Variants in KLHL26 observed in about 807,000 individuals in gnomAD.
The protein encoded by KLHL26 is kelch like family member 26.
A neutral mutation model predicts 7.1 loss-of-function variants in KLHL26; 4 were observed. The ratio of observed to expected loss-of-function variants is 0.56; its 90% CI spans 0.28 to 1.28. KLHL26 has a LOEUF of 1.28. Ranked by LOEUF, KLHL26 falls within the 50% of genes most tolerant of loss-of-function variation. The pLI is 0.11. For synonymous variants in KLHL26, 465 were observed against 414.1 expected (o/e 1.12, Z -1.49); for missense variants, 896 against 924.6 (o/e 0.97, Z 0.40).
At position 18,649,764 on chromosome 19, in the gene KLHL26, A is replaced by C. The variant is rs917154641; in HGVS notation, c.83+12627A>C. On this transcript the variant is annotated intron_variant, in intron 1 of 2. Transcript: ENST00000300976. This position sits in a 1 kb window ranked among gnomAD's most constrained non-coding sequence, Gnocchi z 4.0. ...AGCCTCCAGTCCCTTCCTGCCCCCC[A>C]CCCCGCCCCTTCCACATGTCTCTCC... Among the ~76,000 whole-genome samples, 3 of 146,762 alleles carry C rather than the reference A, an allele frequency of 2.0e-5. No individual in the cohort carries two copies. Among genetic ancestry groups the C allele is most frequent in the East Asian group, 2.0e-4 (1 of 4,970 alleles).
chr19:18,654,318 C>T (rs981759401), intron 1 of KLHL26, among the ~76,000 whole-genome samples: 6 of 149,176 alleles, frequency 4.0e-5, no homozygotes, highest in Non-Finnish European at 6.0e-5. Context: ...CATCTACCAA[C>T]CCACCCACCC....
rs148606549 is a variant in KLHL26, at chr19:18,652,102, G to A, written c.84-12159G>A. On this transcript the variant is annotated intron_variant, in intron 1 of 2. Transcript: ENST00000300976. ...AAATGCTGGTGGGCTCAGGAGTGTG[G>A]TGGAGGGAGAAGGGTCTGAGGGCAA... Among the ~76,000 whole-genome samples the A allele has an allele frequency of 1.1e-3, 170 of 152,316 alleles. 1 individual carries two copies. Among genetic ancestry groups the A allele is most frequent in the Middle Eastern group, 6.8e-3 (2 of 294 alleles).
At chr19:18,637,933 A>T (rs1356857458) in intron 1 of KLHL26, among the ~76,000 whole-genome samples, 1 of 152,168 alleles carries the variant, frequency 6.6e-6, no homozygotes, top group Non-Finnish European at 1.5e-5. Flanking sequence ...CAGTCCTGAC[A>T]TGGATTGCTT....
At chr19:18,637,899 G>A (rs1191416464) in intron 1 of KLHL26, among the ~76,000 whole-genome samples, 1 of 152,196 alleles carries the variant, frequency 6.6e-6, no homozygotes, top group Non-Finnish European at 1.5e-5. Context: ...TTTGGTCAGA[G>A]GGAGGCCCCC....
At chr19:18,655,978 G>A (rs1300375271) in intron 1 of KLHL26, among the ~76,000 whole-genome samples, 1 of 152,164 alleles carries the variant, frequency 6.6e-6, no homozygotes, top group Non-Finnish European at 1.5e-5. Context: ...CCCCTGAGGA[G>A]CAGGTGAGGG....
At position 18,668,044 on chromosome 19, in the gene KLHL26, A is replaced by G. The variant is rs1400382479; in HGVS notation, c.647A>G (p.Asn216Ser). Residue 216 changes from asparagine (N) to serine (S), a missense_variant, in exon 3 of 3, where the codon AAC (asparagine) becomes AGC (serine). Transcript: ENST00000300976. ...CGCCTGGTCTTCTTCCTGCAGAGCA[A>G]CCGGCTGCAGAGCTGTGCCGAGATC... is the stretch of plus-strand genomic sequence containing the variant. ...LERLVFFLQS[N>S]RLQSCAEIDL... 13 of 1,607,712 alleles carry G rather than the reference A, an allele frequency of 8.1e-6. No homozygotes were observed. Among genetic ancestry groups the G allele is most frequent in the South Asian group, 2.2e-5 (2 of 91,058 alleles).
intron 2 of KLHL26, 21 bp from the exon 3 acceptor site, chr19:18,667,643 C>G (rs950164359): frequency 1.9e-6 from 3 of 1,596,574 alleles, no homozygotes; most frequent in Non-Finnish European, 2.6e-6. Context: ...GCCAGCCACA[C>G]GTTGTGTTTC....
chr19:18,658,723 C>T (rs1490969963), intron 1 of KLHL26, among the ~76,000 whole-genome samples: 1 of 151,414 alleles, frequency 6.6e-6, no homozygotes, highest in African/African-American at 2.4e-5. Flanking sequence ...GGATCTTTCT[C>T]TCCATCTCCC....
intron 1 of KLHL26, among the ~76,000 whole-genome samples, chr19:18,643,356 A>G (rs1292469878): frequency 1.3e-5 from 2 of 150,424 alleles, no homozygotes; most frequent in African/African-American, 4.9e-5. Flanking sequence ...GAGGCAAGAG[A>G]ATCACTTGAA....
rs768289460 is a variant in KLHL26, at chr19:18,668,332, T to C, written c.935T>C (p.Val312Ala). Residue 312 changes from valine (V) to alanine (A), a missense_variant, in exon 3 of 3, where the codon GTC becomes GCC. Coordinates refer to ENST00000300976, the MANE Select transcript of KLHL26 (RefSeq NM_018316.3). ...GTGCGCTCGGATGTGCCCTCGCTCG[T>C]CACCTTCGGCGGCACGCCCTACACC... ...TAVRSDVPSL[V>A]TFGGTPYTDS... The C allele has an allele frequency of 6.2e-7, 1 of 1,609,526 alleles. No homozygotes were observed. Among genetic ancestry groups the C allele is most frequent in the Non-Finnish European group, 8.5e-7 (1 of 1,179,340 alleles).
At chr19:18,661,862 G>C (rs1291157781) in intron 1 of KLHL26, among the ~76,000 whole-genome samples, 1 of 151,716 alleles carries the variant, frequency 6.6e-6, no homozygotes, top group East Asian at 1.9e-4. Flanking sequence ...AGCTCTGCTT[G>C]CTTTCCTGGG....
intron 1 of KLHL26, among the ~76,000 whole-genome samples, chr19:18,637,858 T>G (rs1380157173): frequency 6.6e-6 from 1 of 152,170 alleles, no homozygotes; most frequent in Non-Finnish European, 1.5e-5. Flanking sequence ...AGAAAGGTCT[T>G]GCCCTCAGAC....
intron 1 of KLHL26, among the ~76,000 whole-genome samples, chr19:18,639,767 T>A (rs980060309): frequency 1.3e-5 from 2 of 152,034 alleles, no homozygotes; most frequent in African/African-American, 4.8e-5. Flanking sequence ...ACAATCCAGT[T>A]TTTTGGAATG....
intron 1 of KLHL26, among the ~76,000 whole-genome samples, chr19:18,661,005 C>T (rs1471022706): frequency 4.6e-5 from 7 of 152,192 alleles, no homozygotes; most frequent in Middle Eastern, 3.2e-3. Flanking sequence ...ATGGGAGCAT[C>T]CAGATTCTCC....
Position 18,669,688 on chromosome 19 carries a change from C to T in KLHL26, c.*443C>T, listed in dbSNP as rs1181254612. On this transcript the variant is annotated 3_prime_UTR_variant, in exon 3 of 3. Transcript: ENST00000300976. Reference sequence around the variant, plus strand: ...TATATGACTCACCCTCCTTCCAAGTCTCCTGCGCGCGTGTTTTTAAAATAA... The same window carrying T: ...TATATGACTCACCCTCCTTCCAAGTTTCCTGCGCGCGTGTTTTTAAAATAA... 3 of 247,542 alleles carry T rather than the reference C, an allele frequency of 1.2e-5. No homozygotes were observed. The highest frequency in any genetic ancestry group is 1.5e-4 in the East Asian group (2 of 12,920). The allele number at this position is 247,542 out of a possible 1,614,324, so 15.3% of individuals were successfully genotyped here.
intron 1 of KLHL26, among the ~76,000 whole-genome samples, chr19:18,652,302 C>T (rs1215765042): frequency 1.3e-5 from 2 of 152,064 alleles, no homozygotes; most frequent in African/African-American, 4.8e-5. Context: ...GAGTTGGGCT[C>T]CAGCAGGCCA....
At chr19:18,645,832 T>C (rs1317530884) in intron 1 of KLHL26, among the ~76,000 whole-genome samples, 1 of 144,950 alleles carries the variant, frequency 6.9e-6, no homozygotes, top group Non-Finnish European at 1.5e-5. Flanking sequence ...AAAAAAGAAG[T>C]GATGGCTGGG....
rs2052242770 is a variant in KLHL26, at chr19:18,650,654, C to G, written c.83+13517C>G. 6.6e-6 allele frequency among the ~76,000 whole-genome samples: 1 copy of G among 152,190 alleles called. No homozygotes were observed. Among genetic ancestry groups the G allele is most frequent in the Non-Finnish European group, 1.5e-5 (1 of 68,020 alleles). On this transcript the variant is annotated intron_variant, in intron 1 of 2. Coordinates refer to ENST00000300976, the MANE Select transcript of KLHL26 (RefSeq NM_018316.3). The surrounding 1 kb of genome is among the most constrained non-coding windows in gnomAD (Gnocchi z 4.2). ...AGATGACGGGTGATGTTTTCCTCGC[C>G]AAGGCTGATGGCACCGGGCCCCTTT...
At chr19:18,667,409 G>A (rs539134207) in intron 2 of KLHL26, 28 of 559,498 alleles carry the variant, frequency 5.0e-5, no homozygotes, top group Non-Finnish European at 8.3e-5. Context: ...AGGCTGGAGT[G>A]CAGTGCCAGT....
Sources: gnomAD v4.1 joint callset for allele counts (sites outside exome capture counted in the v4.1 genomes callset) on GRCh38, gnomAD v4.1.1 for gene constraint, Gnocchi (gnomAD v3.1) non-coding constraint, MANE v1.5 for transcripts, NCBI Gene and HGNC (gene_info 2026-07-23, HGNC 2026-07-21) for gene names.